Variants in TAS2R1 observed in about 807,000 individuals in gnomAD.
The protein encoded by TAS2R1 is taste 2 receptor member 1.
For synonymous variants in TAS2R1, 141 were observed against 134.2 expected (o/e 1.05, Z -0.35); for missense variants, 370 against 353.4 (o/e 1.05, Z -0.38).
At chr5:9,854,400 A>AC in the TAS2R1 span, 1 of 152,072 alleles carries the variant, frequency 6.6e-6, no homozygotes, top group Non-Finnish European at 1.5e-5. Context: ...GGGAGTTAAG[A>AC]CCCCAACATG....
the TAS2R1 span, among the ~76,000 whole-genome samples, chr5:9,772,387 T>G: frequency 1.9e-4 from 29 of 152,128 alleles, no homozygotes; most frequent in Non-Finnish European, 2.6e-4. Flanking sequence ...TCATTTCAAT[T>G]TTTTTAATGT....
At chr5:9,750,643 A>T in the TAS2R1 span, among the ~76,000 whole-genome samples, 1 of 152,220 alleles carries the variant, frequency 6.6e-6, no homozygotes, top group Non-Finnish European at 1.5e-5. Flanking sequence ...TCTCACTTTC[A>T]TCATTAGAAA....
chr5:9,813,235 G>T, the TAS2R1 span, among the ~76,000 whole-genome samples: 1 of 152,172 alleles, frequency 6.6e-6, no homozygotes, highest in Admixed American at 6.5e-5. Flanking sequence ...GCTTGGAACA[G>T]ATCTTTTCCT....
chr5:9,792,173 T>G, the TAS2R1 span, among the ~76,000 whole-genome samples: 2 of 152,200 alleles, frequency 1.3e-5, no homozygotes, highest in African/African-American at 4.8e-5. Flanking sequence ...TTTTTTACCC[T>G]TGAATAACCC....
intron 1 of TAS2R1, among the ~76,000 whole-genome samples, chr5:9,708,241 G>T (rs1741662006): frequency 6.6e-6 from 1 of 152,182 alleles, no homozygotes; most frequent in Non-Finnish European, 1.5e-5. Flanking sequence ...GCGTATCCTA[G>T]CGATGGCAGG....
At chr5:9,862,070 T>C in the TAS2R1 span, among the ~76,000 whole-genome samples, 1 of 151,976 alleles carries the variant, frequency 6.6e-6, no homozygotes, top group Non-Finnish European at 1.5e-5. Context: ...GCTCTGAAAA[T>C]GATTACCAGA....
the TAS2R1 span, among the ~76,000 whole-genome samples, chr5:9,745,861 A>G: frequency 1.2e-4 from 19 of 152,254 alleles, no homozygotes; most frequent in African/African-American, 4.1e-4. Context: ...GCATGGGCAA[A>G]CACTTCATGA....
the TAS2R1 span, among the ~76,000 whole-genome samples, chr5:9,863,916 C>T: frequency 6.6e-6 from 1 of 152,184 alleles, no homozygotes; most frequent in African/African-American, 2.4e-5. Flanking sequence ...GGTCTGTACT[C>T]AACTAATGGC....
At chr5:9,659,193 C>T (rs1002634381) in intron 2 of TAS2R1, among the ~76,000 whole-genome samples, 6 of 152,100 alleles carry the variant, frequency 3.9e-5, no homozygotes, top group African/African-American at 1.2e-4. Flanking sequence ...TGGACAATTG[C>T]ACCCTACACC....
the TAS2R1 span, among the ~76,000 whole-genome samples, chr5:9,767,892 C>G: frequency 7.0e-6 from 1 of 142,394 alleles, no homozygotes; most frequent in East Asian, 2.1e-4. Context: ...CCACAGTACT[C>G]CAGCCTGGGC....
the TAS2R1 span, among the ~76,000 whole-genome samples, chr5:9,728,548 A>G: frequency 6.6e-6 from 1 of 152,234 alleles, no homozygotes; most frequent in Non-Finnish European, 1.5e-5. Flanking sequence ...TCAAGTTTGC[A>G]AAAAATGAAT....
the TAS2R1 span, among the ~76,000 whole-genome samples, chr5:9,812,486 A>G: frequency 6.6e-6 from 1 of 152,076 alleles, no homozygotes; most frequent in African/African-American, 2.4e-5. Context: ...AGATAAAGAT[A>G]TAGGAGGAAT....
the TAS2R1 span, among the ~76,000 whole-genome samples, chr5:9,861,687 G>C: frequency 1.8e-4 from 27 of 152,128 alleles, no homozygotes; most frequent in Non-Finnish European, 3.5e-4. Context: ...GTACAGAATG[G>C]GTGTGTATAC....
the TAS2R1 span, among the ~76,000 whole-genome samples, chr5:9,813,550 C>T: frequency 6.6e-6 from 1 of 152,078 alleles, no homozygotes; most frequent in African/African-American, 2.4e-5. Context: ...GACAAAGCAC[C>T]CTTGACTGCA....
chr5:9,854,294 T>C, the TAS2R1 span: 1 of 152,090 alleles, frequency 6.6e-6, no homozygotes, highest in African/African-American at 2.4e-5. Context: ...ACCAGTCATA[T>C]TGGATTAGGG....
chr5:9,636,465 G>A (rs567659144), intron 2 of TAS2R1, among the ~76,000 whole-genome samples: 84 of 152,000 alleles, frequency 5.5e-4, no homozygotes, highest in African/African-American at 1.9e-3. Flanking sequence ...TTTGTTCTAG[G>A]GTATAGTTTA....
At chr5:9,709,195 A>G (rs1178846468) in intron 1 of TAS2R1, among the ~76,000 whole-genome samples, 1 of 151,964 alleles carries the variant, frequency 6.6e-6, no homozygotes, top group East Asian at 1.9e-4. Flanking sequence ...GTAGAAAAAA[A>G]AAAAAAAAAG....
intron 1 of TAS2R1, among the ~76,000 whole-genome samples, chr5:9,711,106 A>T (rs566538125): frequency 1.3e-5 from 2 of 151,810 alleles, no homozygotes; most frequent in Non-Finnish European, 2.9e-5. Flanking sequence ...CACTATGGAG[A>T]TCATCAAAAA....
chr5:9,877,208 T>C, the TAS2R1 span, among the ~76,000 whole-genome samples: 1 of 152,228 alleles, frequency 6.6e-6, no homozygotes, highest in African/African-American at 2.4e-5. Flanking sequence ...TTCAAGAAGA[T>C]TGAATGTTTA....
Sources: allele counts gnomAD v4.1 joint callset (sites outside exome capture counted in the v4.1 genomes callset), GRCh38; gene constraint gnomAD v4.1.1; transcripts MANE v1.5; gene names NCBI Gene and HGNC (gene_info 2026-07-23, HGNC 2026-07-21).